Variants in RAB6B observed in about 807,000 individuals in gnomAD.
RAB6B encodes the protein RAB6B, member RAS oncogene family.
A neutral mutation model predicts 31.2 loss-of-function variants in RAB6B; 7 were observed. That is an observed-to-expected ratio of 0.22 (90% CI 0.13 to 0.42). The LOEUF (loss-of-function observed/expected upper bound fraction) is 0.42. Among genes scored for constraint, RAB6B ranks in the 10% least tolerant of loss-of-function variants. The pLI, the probability that RAB6B is intolerant of heterozygous loss-of-function variation, is 1.00. For missense variants in RAB6B, 149 were observed against 280.6 expected (o/e 0.53, Z 3.35); for synonymous variants, 105 against 104.9 (o/e 1.00, Z -0.01).
intron 3 of RAB6B, 106 bp downstream of exon 3, chr3:133,841,504 C>A: frequency 6.5e-7 from 1 of 1,534,366 alleles, no homozygotes; most frequent in Non-Finnish European, 9.0e-7. Context: ...CCAGCTCCAG[C>A]CCCTAGTGTC....
intron 1 of RAB6B, among the ~76,000 whole-genome samples, chr3:133,891,218 C>T (rs552097384): frequency 7.4e-4 from 113 of 152,300 alleles, no homozygotes; most frequent in African/African-American, 2.6e-3. Flanking sequence ...CCCTTAACCA[C>T]AGAGGAATGG....
intron 1 of RAB6B, among the ~76,000 whole-genome samples, chr3:133,881,192 G>A (rs1418427610): frequency 6.6e-6 from 1 of 152,206 alleles, no homozygotes; most frequent in South Asian, 2.1e-4. Context: ...TCCCCATGCT[G>A]CGAGCTCTGG....
chr3:133,846,430 G>C (rs1935909408), intron 2 of RAB6B, among the ~76,000 whole-genome samples: 1 of 152,206 alleles, frequency 6.6e-6, no homozygotes, highest in East Asian at 1.9e-4. Context: ...CTGGGCAACA[G>C]AGTGAGACTC....
At chr3:133,834,411 T>C (rs542466912) in intron 7 of RAB6B, among the ~76,000 whole-genome samples, 164 bp downstream of exon 7, 6 of 152,246 alleles carry the variant, frequency 3.9e-5, no homozygotes, top group Admixed American at 3.9e-4. Context: ...CTCCAAACCA[T>C]AGGGTTCAGC....
chr3:133,871,339 A>G (rs973369170), intron 1 of RAB6B, among the ~76,000 whole-genome samples: 2 of 152,204 alleles, frequency 1.3e-5, no homozygotes, highest in South Asian at 2.1e-4. Context: ...TAACCTCCTG[A>G]AAAAGGCACC....
intron 1 of RAB6B, among the ~76,000 whole-genome samples, chr3:133,868,614 C>A (rs1253584847): frequency 2.6e-5 from 4 of 152,184 alleles, no homozygotes; most frequent in African/African-American, 7.2e-5. Flanking sequence ...GCAGGCAAAT[C>A]ATTATTGAGC....
intron 2 of RAB6B, among the ~76,000 whole-genome samples, chr3:133,854,244 T>C (rs978639508): frequency 6.6e-6 from 1 of 152,228 alleles, no homozygotes; most frequent in Admixed American, 6.5e-5. Context: ...AGACGGGTTC[T>C]AAAGGAGACT....
chr3:133,846,262 C>T (rs1238338305), intron 2 of RAB6B, among the ~76,000 whole-genome samples: 1 of 152,156 alleles, frequency 6.6e-6, no homozygotes, highest in Admixed American at 6.5e-5. Flanking sequence ...GCCTGGCCAA[C>T]ACAGTGAAAC....
chr3:133,879,475 A>C (rs770343969), intron 1 of RAB6B, among the ~76,000 whole-genome samples: 89 of 152,316 alleles, frequency 5.8e-4, no homozygotes, highest in Admixed American at 3.1e-3. Context: ...GAAAGCCTGG[A>C]TCAATCAATT....
At chr3:133,856,006 G>T (rs1204245328) in intron 2 of RAB6B, among the ~76,000 whole-genome samples, 2 of 152,068 alleles carry the variant, frequency 1.3e-5, no homozygotes, top group African/African-American at 4.8e-5. Flanking sequence ...ATGTGGATGT[G>T]ATGTCTGGAG....
chr3:133,833,979 T>A (rs575726724), intron 7 of RAB6B, among the ~76,000 whole-genome samples: 2 of 152,252 alleles, frequency 1.3e-5, no homozygotes, highest in African/African-American at 4.8e-5. Context: ...GTAACTTACA[T>A]GCTGTGTGAC....
chr3:133,884,183 G>C (rs972693331), intron 1 of RAB6B, among the ~76,000 whole-genome samples: 1 of 152,226 alleles, frequency 6.6e-6, no homozygotes, highest in African/African-American at 2.4e-5. Context: ...ATACCAAGGT[G>C]GTGCTCAGTA....
At chr3:133,889,389 TATATATATATATATA>T (rs1936599070) in intron 1 of RAB6B, among the ~76,000 whole-genome samples, 1 of 23,874 alleles carries the variant, frequency 4.2e-5, no homozygotes, top group Non-Finnish European at 9.7e-5. Context: ...GTTATTTTGT[TATATATATATATATA>T]TATATATATA....
intron 6 of RAB6B, among the ~76,000 whole-genome samples, chr3:133,837,224 G>C (rs747274808): frequency 6.6e-6 from 1 of 152,140 alleles, no homozygotes; most frequent in Non-Finnish European, 1.5e-5. Flanking sequence ...TGGCAATCTG[G>C]TTAATCCTAT....
intron 2 of RAB6B, among the ~76,000 whole-genome samples, chr3:133,858,678 T>G (rs1170716577): frequency 6.6e-6 from 1 of 152,218 alleles, no homozygotes; most frequent in East Asian, 1.9e-4. Flanking sequence ...AGTCCCATGC[T>G]GCGATACTTG....
chr3:133,881,328 C>G (rs913025174), intron 1 of RAB6B, among the ~76,000 whole-genome samples: 10 of 152,218 alleles, frequency 6.6e-5, no homozygotes, highest in Non-Finnish European at 1.5e-4. Flanking sequence ...CAGGATCACA[C>G]AGCACCAGGG....
chr3:133,871,383 G>T (rs1936321352), intron 1 of RAB6B, among the ~76,000 whole-genome samples: 1 of 152,182 alleles, frequency 6.6e-6, no homozygotes, highest in South Asian at 2.1e-4. Context: ...GGAGATGAGG[G>T]GGTCACAGGG....
intron 4 of RAB6B, 61 bp downstream of exon 4, chr3:133,841,224 T>G (rs1166047931): frequency 6.6e-7 from 1 of 1,517,286 alleles, no homozygotes; most frequent in Non-Finnish European, 9.1e-7. Flanking sequence ...CTGGCCAGGG[T>G]CACACCTGGG....
At chr3:133,832,615 C>T (rs974516686) in intron 7 of RAB6B, among the ~76,000 whole-genome samples, 42 of 152,186 alleles carry the variant, frequency 2.8e-4, no homozygotes, top group Admixed American at 2.0e-4. Context: ...CACCCCATCC[C>T]GAAAGAAGCA....
Sources: allele counts gnomAD v4.1 joint callset (sites outside exome capture counted in the v4.1 genomes callset), GRCh38; gene constraint gnomAD v4.1.1; transcripts MANE v1.5; gene names NCBI Gene and HGNC (gene_info 2026-07-23, HGNC 2026-07-21).